The following DPYD variants were observed in gnomAD, a reference collection of about 807,000 sequenced individuals.
DPYD encodes dihydropyrimidine dehydrogenase, also known as dihydropyrimidine dehydrogenase [NADP(+)].
DPYD carries 109 observed loss-of-function variants against 116.2 expected under a neutral mutation model. The ratio of observed to expected loss-of-function variants is 0.94; its 90% CI spans 0.80 to 1.10. The LOEUF (loss-of-function observed/expected upper bound fraction) is 1.10. Among genes scored for constraint, DPYD ranks in the 50% least tolerant of loss-of-function variants. DPYD has a pLI of 0.00. For missense variants in DPYD, 1,302 were observed against 1,254.5 expected (o/e 1.04, Z -0.57); for synonymous variants, 440 against 432.0 (o/e 1.02, Z -0.23).
At chr1:97,222,227 C>T (rs772668478) in intron 19 of DPYD, among the ~76,000 whole-genome samples, 7 of 152,006 alleles carry the variant, frequency 4.6e-5, no homozygotes, top group Admixed American at 6.6e-5. Flanking sequence ...CAAATAGGAA[C>T]GGACAGTAGA....
chr1:97,512,332 T>C (rs1054207082), intron 13 of DPYD, among the ~76,000 whole-genome samples: 1 of 151,912 alleles, frequency 6.6e-6, no homozygotes, highest in Non-Finnish European at 1.5e-5. Flanking sequence ...TTGATACTTA[T>C]TAAAACAAAA....
chr1:97,705,982 T>A (rs1439015389), intron 5 of DPYD, among the ~76,000 whole-genome samples: 2 of 152,108 alleles, frequency 1.3e-5, no homozygotes, highest in Non-Finnish European at 2.9e-5. Flanking sequence ...GATGGGTTTT[T>A]TTTCTTGTAA....
chr1:97,660,132 T>C (rs1282858585), intron 8 of DPYD, among the ~76,000 whole-genome samples: 1 of 152,156 alleles, frequency 6.6e-6, no homozygotes, highest in African/African-American at 2.4e-5. Context: ...AATTTACTAA[T>C]GGGGTTATTT....
chr1:97,103,892 T>C (rs1557864697), intron 20 of DPYD, among the ~76,000 whole-genome samples: 1 of 152,138 alleles, frequency 6.6e-6, no homozygotes, highest in Non-Finnish European at 1.5e-5. Flanking sequence ...TTCTATTGCA[T>C]TGTGTACTGT....
Position 97,302,923 on chromosome 1 carries a change from T to C in DPYD, c.2299+2336A>G, listed in dbSNP as rs1049340141. ...ATTGCTCTCAAATCCAGGCTACTTA[T>C]ATCGGAAATAATTCCACTGACATTC... On this transcript the variant is annotated intron_variant, in intron 18 of 22. Transcript: ENST00000370192. 2.6e-5 allele frequency among the ~76,000 whole-genome samples: 4 copies of C among 152,000 alleles called. No individual in the cohort carries two copies. In the East Asian group the frequency reaches 5.8e-4, roughly 22 times the overall value.
At chr1:97,824,047 T>TAA (rs1669106602) in intron 3 of DPYD, among the ~76,000 whole-genome samples, 1 of 152,144 alleles carries the variant, frequency 6.6e-6, no homozygotes, top group East Asian at 1.9e-4. Context: ...AGACACTATT[T>TAA]GTTTTAAATA....
At chr1:97,721,872 C>T (rs1418088291) in intron 4 of DPYD, among the ~76,000 whole-genome samples, 2 of 151,500 alleles carry the variant, frequency 1.3e-5, no homozygotes, top group East Asian at 3.9e-4. Context: ...ATTCAATGCA[C>T]AGTATGTTGA....
chr1:97,829,942 C>A (rs1669446437), intron 2 of DPYD, among the ~76,000 whole-genome samples: 1 of 151,886 alleles, frequency 6.6e-6, no homozygotes, highest in Admixed American at 6.6e-5. Context: ...TGTTCCCCAC[C>A]CTGTGTCCAT....
chr1:97,562,150 G>A (rs1376844061), intron 11 of DPYD, among the ~76,000 whole-genome samples: 1 of 152,222 alleles, frequency 6.6e-6, no homozygotes, highest in Non-Finnish European at 1.5e-5. Context: ...CATCCCACAA[G>A]TATGTAGGAG....
intron 13 of DPYD, among the ~76,000 whole-genome samples, chr1:97,458,983 G>C (rs1676859654): frequency 6.6e-6 from 1 of 151,980 alleles, no homozygotes; most frequent in Non-Finnish European, 1.5e-5. Flanking sequence ...TCATAGGTGG[G>C]AGCCAGTGCA....
intron 1 of DPYD, among the ~76,000 whole-genome samples, chr1:97,908,323 G>A (rs1673750188): frequency 6.6e-6 from 1 of 151,952 alleles, no homozygotes; most frequent in Admixed American, 6.6e-5. Context: ...TGGGATTACA[G>A]GCGTAAGTCA....
In DPYD at chr1:97,785,681, C is replaced by CTT. The variant is rs35229030; in HGVS notation, c.233+42431_233+42432dup. ...CTTTTTTTCTTTTGGGCCACTGACT[C>CTT]TTTTTTTTTTTTTTTTTTTTTTTTT... On this transcript the variant is annotated intron_variant, in intron 3 of 22. Transcript: ENST00000370192. Among the ~76,000 whole-genome samples, 534 of 62,552 alleles carry CTT rather than the reference C, an allele frequency of 8.5e-3. 71 individuals carry two copies. Among genetic ancestry groups the CTT allele is most frequent in the African/African-American group, 0.027 (379 of 14,194 alleles). 41.0% of individuals were successfully genotyped at this position (62,552 alleles called of 152,430 possible).
chr1:97,223,754 T>A (rs1322092411), intron 19 of DPYD, among the ~76,000 whole-genome samples: 1 of 152,044 alleles, frequency 6.6e-6, no homozygotes, highest in African/African-American at 2.4e-5. Flanking sequence ...AGAAAGAAGA[T>A]ACAGGACTCA....
chr1:97,127,551 T>C, intron 20 of DPYD, among the ~76,000 whole-genome samples: 1 of 152,126 alleles, frequency 6.6e-6, no homozygotes, highest in South Asian at 2.1e-4. Context: ...TTCTAAATAA[T>C]TCTAGAAATT....
chr1:97,692,535 T>G (rs1661064309), intron 6 of DPYD, among the ~76,000 whole-genome samples: 1 of 152,218 alleles, frequency 6.6e-6, no homozygotes, highest in South Asian at 2.1e-4. Context: ...AAGCTATGTA[T>G]GTCCATGAAT....
At chr1:97,182,471 G>T (rs1214494946) in intron 20 of DPYD, among the ~76,000 whole-genome samples, 28 of 152,050 alleles carry the variant, frequency 1.8e-4, no homozygotes, top group Admixed American at 1.8e-3. Context: ...TTAGCCTCAT[G>T]TGATCTGACT....
At chr1:97,392,970 G>A (rs1299253161) in intron 14 of DPYD, among the ~76,000 whole-genome samples, 1 of 151,984 alleles carries the variant, frequency 6.6e-6, no homozygotes, top group Admixed American at 6.6e-5. Flanking sequence ...AGAATGGTTT[G>A]ATATTCTATC....
At chr1:97,570,955 G>A (rs368032240) in intron 11 of DPYD, among the ~76,000 whole-genome samples, 7 of 151,954 alleles carry the variant, frequency 4.6e-5, no homozygotes, top group South Asian at 2.1e-4. Context: ...GGTCTTCTGC[G>A]AAATGGGGAG....
At chr1:97,910,395 A>C (rs1245994923) in intron 1 of DPYD, among the ~76,000 whole-genome samples, 1 of 152,106 alleles carries the variant, frequency 6.6e-6, no homozygotes. Flanking sequence ...AAATCACTGA[A>C]GTCAAACAAT....
Sources: gnomAD v4.1 joint callset for allele counts (sites outside exome capture counted in the v4.1 genomes callset) on GRCh38, gnomAD v4.1.1 for gene constraint, MANE v1.5 for transcripts, NCBI Gene and HGNC (gene_info 2026-07-23, HGNC 2026-07-21) for gene names.